Variants in TMEM260 observed in about 807,000 individuals in gnomAD.
TMEM260 encodes protein O-mannosyl-transferase TMEM260.
In TMEM260, 82 loss-of-function variants were observed where a neutral mutation model predicts 88.9. That is an observed-to-expected ratio of 0.92 (90% CI 0.77 to 1.11). The LOEUF (loss-of-function observed/expected upper bound fraction) is 1.11. Among genes scored for constraint, TMEM260 ranks in the 50% least tolerant of loss-of-function variants. The probability of loss-of-function intolerance (pLI) is 0.00; values close to 1 mark genes in which losing one functional copy is unlikely to be tolerated. For missense variants in TMEM260, 902 were observed against 853.4 expected (o/e 1.06, Z -0.71); for synonymous variants, 314 against 309.3 (o/e 1.02, Z -0.16).
chr14:56,643,614 C>CTTT (rs1357218964), intron 15 of TMEM260, among the ~76,000 whole-genome samples: 1 of 152,156 alleles, frequency 6.6e-6, no homozygotes. Flanking sequence ...CAGGGATGCC[C>CTTT]TCTCTCACCA....
intron 10 of TMEM260, among the ~76,000 whole-genome samples, chr14:56,619,792 T>C (rs545374715): frequency 3.9e-5 from 6 of 152,352 alleles, no homozygotes; most frequent in Non-Finnish European, 8.8e-5. Context: ...ACTGGGTATA[T>C]ACCTAAAGGA....
chr14:56,603,780 T>C (rs1886719146), intron 3 of TMEM260, 35 bp from the exon 4 acceptor site: 1 of 1,612,414 alleles, frequency 6.2e-7, no homozygotes, highest in South Asian at 1.1e-5. Flanking sequence ...TTCTTTTTGT[T>C]GGAAAAGAAG....
At position 56,583,095 on chromosome 14, in the gene TMEM260, G is replaced by A. The variant is rs538128622; in HGVS notation, c.161-1906G>A. Among the ~76,000 whole-genome samples, 13 of 152,238 alleles carry A rather than the reference G, an allele frequency of 8.5e-5. No homozygotes were observed. The South Asian group carries it at 2.3e-3, about 27-fold the overall frequency. On this transcript the variant is annotated intron_variant, in intron 1 of 15. Coordinates refer to ENST00000261556, the MANE Select transcript of TMEM260 (RefSeq NM_017799.4). ...AATGAATAGTGACCTTTGAAATTTT[G>A]AATTTATGGTGGCTTCGTTACAAAA...
At chr14:56,622,187 C>CA (rs1393789637) in intron 11 of TMEM260, among the ~76,000 whole-genome samples, 1 of 151,436 alleles carries the variant, frequency 6.6e-6, no homozygotes, top group Non-Finnish European at 1.5e-5. Flanking sequence ...ACTAAAAATA[C>CA]AAAAAATTAG....
chr14:56,639,108 C>T (rs1248614478), intron 15 of TMEM260, among the ~76,000 whole-genome samples: 1 of 152,110 alleles, frequency 6.6e-6, no homozygotes, highest in Non-Finnish European at 1.5e-5. Context: ...TGGGGAAATG[C>T]TCCTGGAAGT....
At chr14:56,598,752 G>A (rs1462730139) in intron 3 of TMEM260, among the ~76,000 whole-genome samples, 1 of 152,162 alleles carries the variant, frequency 6.6e-6, no homozygotes, top group East Asian at 1.9e-4. Context: ...GCTGTGTCCT[G>A]ATGGGGTCAC....
rs375754131 is a variant in TMEM260, at chr14:56,617,163, A to G, written c.942-20A>G. 7.1e-7 allele frequency: 1 copy of G among 1,411,536 alleles called. No individual in the cohort carries two copies. The highest frequency in any genetic ancestry group is 1.5e-5 in the African/African-American group (1 of 68,282). The allele number at this position is 1,411,536 out of a possible 1,614,324, so 87.4% of individuals were successfully genotyped here. A position where few individuals can be genotyped will look rare whatever the true frequency, so the allele number is the denominator to read the frequency against. On this transcript the variant is annotated intron_variant, in intron 8 of 15. Transcript: ENST00000261556. ...TCATGTATCTAAATATTTTAGACAT[A>G]TTTTTATTATTTTTTGTAGGGACAG...
chr14:56,605,685 T>C lies in TMEM260; in HGVS notation c.636+2T>C. The C allele has an allele frequency of 1.3e-6, 2 of 1,518,878 alleles. No homozygotes were observed. Among genetic ancestry groups the C allele is most frequent in the South Asian group, 2.4e-5 (2 of 81,922 alleles). The allele number at this position is 1,518,878 out of a possible 1,614,324, so 94.1% of individuals were successfully genotyped here. A position where few individuals can be genotyped will look rare whatever the true frequency, so the allele number is the denominator to read the frequency against. On this transcript the variant is annotated splice_donor_variant, in intron 5 of 15. Transcript: ENST00000261556. LOFTEE classifies it high-confidence loss of function. ...CTCTTTCAACTTTTAAAAAAGAAGG[T>C]ACGTTTTTGAATTTTGTAAAAAAAA...
chr14:56,590,970 C>T (rs1885818011), intron 3 of TMEM260, among the ~76,000 whole-genome samples: 1 of 152,130 alleles, frequency 6.6e-6, no homozygotes, highest in African/African-American at 2.4e-5. Context: ...GGGTTTATGC[C>T]ACTATATACA....
intron 11 of TMEM260, among the ~76,000 whole-genome samples, chr14:56,623,408 T>C (rs1888050291): frequency 6.6e-6 from 1 of 152,122 alleles, no homozygotes; most frequent in Non-Finnish European, 1.5e-5. Context: ...CCTCTCTCTA[T>C]TTATTGGAAA....
chr14:56,658,380 T>C, the TMEM260 span, among the ~76,000 whole-genome samples: 1 of 151,994 alleles, frequency 6.6e-6, no homozygotes, highest in East Asian at 1.9e-4. Flanking sequence ...CCTGAGTAGC[T>C]GGGAATACAG....
At chr14:56,634,871 A>C (rs779141269) in intron 13 of TMEM260, 28 bp from the exon 14 acceptor site, 2 of 1,594,714 alleles carry the variant, frequency 1.3e-6, no homozygotes, top group African/African-American at 2.7e-5. Flanking sequence ...GGTGACAGAA[A>C]GATATTACTG....
intron 15 of TMEM260, among the ~76,000 whole-genome samples, chr14:56,637,524 G>GACTT (rs1444984208): frequency 1.3e-5 from 2 of 152,208 alleles, no homozygotes; most frequent in African/African-American, 2.4e-5. Flanking sequence ...GCTTTGCTAT[G>GACTT]ACTTACGGCA....
chr14:56,638,079 C>T (rs1889255279), intron 15 of TMEM260: 1 of 152,302 alleles, frequency 6.6e-6, no homozygotes, highest in Non-Finnish European at 1.5e-5. Context: ...AGGAGCTAAC[C>T]AAACAGATGG....
At chr14:56,581,146 C>T (rs1417737308) in intron 1 of TMEM260, among the ~76,000 whole-genome samples, 1 of 152,170 alleles carries the variant, frequency 6.6e-6, no homozygotes, top group African/African-American at 2.4e-5. Context: ...TGAAGGACAC[C>T]TCTCTGTCTG....
intron 4 of TMEM260, among the ~76,000 whole-genome samples, chr14:56,605,053 A>G (rs561883545): frequency 2.0e-5 from 3 of 152,348 alleles, no homozygotes; most frequent in South Asian, 2.1e-4. Context: ...TGGAAACTCA[A>G]AAGTCAGGAC....
chr14:56,649,528 T>C (rs1246712301), downstream of TMEM260: 1 of 152,266 alleles, frequency 6.6e-6, no homozygotes, highest in Non-Finnish European at 1.5e-5. Context: ...ATTGTCTTTA[T>C]TGGTTCAGAA....
At chr14:56,605,475 G>A (rs761239959) in intron 4 of TMEM260, 95 bp from the exon 5 acceptor site, 2 of 537,196 alleles carry the variant, frequency 3.7e-6, no homozygotes, top group African/African-American at 4.0e-5. Flanking sequence ...AACATGATAC[G>A]AATGCTTGGT....
At chr14:56,615,100 A>G (rs750415409) in intron 7 of TMEM260, among the ~76,000 whole-genome samples, 13 of 152,132 alleles carry the variant, frequency 8.5e-5, no homozygotes, top group South Asian at 2.1e-4. Flanking sequence ...GCTGGAATCA[A>G]TTTTTTCAAG....
Sources: allele counts gnomAD v4.1 joint callset (sites outside exome capture counted in the v4.1 genomes callset), GRCh38; gene constraint gnomAD v4.1.1; transcripts MANE v1.5; gene names NCBI Gene and HGNC (gene_info 2026-07-23, HGNC 2026-07-21).